Variants in NSMCE2 observed in about 807,000 individuals in gnomAD.
NSMCE2 encodes NSE2 SUMO ligase component of SMC5/6 complex.
In NSMCE2, 24 loss-of-function variants were observed where a neutral mutation model predicts 23.8. That is an observed-to-expected ratio of 1.01 (90% CI 0.73 to 1.42). The LOEUF (loss-of-function observed/expected upper bound fraction) is 1.42. Ranked by LOEUF, NSMCE2 falls within the 40% of genes most tolerant of loss-of-function variation. The pLI, the probability that NSMCE2 is intolerant of heterozygous loss-of-function variation, is 0.00. For missense variants in NSMCE2, 284 were observed against 296.5 expected (o/e 0.96, Z 0.31); for synonymous variants, 92 against 94.1 (o/e 0.98, Z 0.13).
intron 5 of NSMCE2, among the ~76,000 whole-genome samples, chr8:125,341,003 C>T (rs1289457074): frequency 1.3e-5 from 2 of 152,148 alleles, no homozygotes; most frequent in African/African-American, 4.8e-5. Flanking sequence ...TTACGTGTTC[C>T]CTCACTGGGC....
intron 3 of NSMCE2, among the ~76,000 whole-genome samples, chr8:125,118,734 A>G (rs539123430): frequency 2.0e-5 from 3 of 152,316 alleles, no homozygotes; most frequent in Non-Finnish European, 2.9e-5. Flanking sequence ...CTATACGACT[A>G]TTAAGGTTAA....
intron 1 of NSMCE2, among the ~76,000 whole-genome samples, chr8:125,097,474 A>T (rs1018770357): frequency 1.3e-4 from 20 of 152,104 alleles, no homozygotes; most frequent in African/African-American, 4.6e-4. Context: ...CTACCTTATG[A>T]TCTTTTTTCA....
At chr8:125,302,087 G>A (rs528087053) in intron 5 of NSMCE2, among the ~76,000 whole-genome samples, 1 of 152,250 alleles carries the variant, frequency 6.6e-6, no homozygotes, top group East Asian at 1.9e-4. Flanking sequence ...GCCTCCCAGA[G>A]CTGGGATTAC....
intron 4 of NSMCE2, among the ~76,000 whole-genome samples, chr8:125,153,202 A>G (rs2130690748): frequency 6.6e-6 from 1 of 152,140 alleles, no homozygotes; most frequent in East Asian, 1.9e-4. Flanking sequence ...GTTTCATCTC[A>G]TTATCCTCGA....
chr8:125,268,405 G>T lies in NSMCE2; in HGVS notation c.418+86149G>T, dbSNP rs954289649. On this transcript the variant is annotated intron_variant, in intron 5 of 7. Coordinates refer to ENST00000287437, the MANE Select transcript of NSMCE2 (RefSeq NM_173685.4). ...AAAAAAAAGAGAAAAGGATCCCAAG[G>T]TTTTATCATGGGCTGCCTAGAGAAT... Among the ~76,000 whole-genome samples, 3 of 151,750 alleles carry T rather than the reference G, an allele frequency of 2.0e-5. No individual in the cohort carries two copies. In the East Asian group the frequency reaches 5.8e-4, roughly 29 times the overall value.
intron 3 of NSMCE2, among the ~76,000 whole-genome samples, chr8:125,112,577 C>G (rs996717375): frequency 6.6e-6 from 1 of 152,100 alleles, no homozygotes; most frequent in Non-Finnish European, 1.5e-5. Context: ...AAATGAAATA[C>G]TGTCATTTGC....
At chr8:125,105,977 A>G (rs1818438089) in intron 3 of NSMCE2, among the ~76,000 whole-genome samples, 1 of 152,174 alleles carries the variant, frequency 6.6e-6, no homozygotes, top group South Asian at 2.1e-4. Flanking sequence ...TTAGACAGAC[A>G]CAGAGTCACC....
intron 5 of NSMCE2, among the ~76,000 whole-genome samples, chr8:125,238,885 A>T (rs1825658547): frequency 6.6e-6 from 1 of 152,170 alleles, no homozygotes; most frequent in Admixed American, 6.5e-5. Flanking sequence ...TTATTAGTAC[A>T]TATATCAAAT....
At chr8:125,247,573 A>G (rs1053939778) in intron 5 of NSMCE2, among the ~76,000 whole-genome samples, 2 of 152,020 alleles carry the variant, frequency 1.3e-5, no homozygotes, top group African/African-American at 4.8e-5. Flanking sequence ...GAAAATATAA[A>G]AATTAGCTGG....
At chr8:125,146,712 C>T (rs1820694182) in intron 3 of NSMCE2, among the ~76,000 whole-genome samples, 1 of 152,008 alleles carries the variant, frequency 6.6e-6, no homozygotes, top group Non-Finnish European at 1.5e-5. Flanking sequence ...CACATGGTCA[C>T]AGGAAGGGGA....
In NSMCE2 at chr8:125,170,467, C is replaced by T. The variant is rs552288566; in HGVS notation, c.265-11636C>T. 9.8e-5 allele frequency among the ~76,000 whole-genome samples: 13 copies of T among 132,324 alleles called. No homozygotes were observed. The South Asian group carries it at 1.6e-3, about 16-fold the overall frequency. The allele number at this position is 132,324 out of a possible 152,430, so 86.8% of individuals were successfully genotyped here. ...CTTGGGCAGGCTGGAGTGCAAATGGCGCTGTCTCGGCTCACTGCAAACTCC... is the reference window on the plus strand; with the variant it reads ...CTTGGGCAGGCTGGAGTGCAAATGGTGCTGTCTCGGCTCACTGCAAACTCC... On this transcript the variant is annotated intron_variant, in intron 4 of 7. Transcript: ENST00000287437.
chr8:125,344,545 C>T (rs1239344586), intron 5 of NSMCE2, among the ~76,000 whole-genome samples: 1 of 152,042 alleles, frequency 6.6e-6, no homozygotes, highest in Non-Finnish European at 1.5e-5. Flanking sequence ...GAGTTTGAGA[C>T]CAGCCTGGCC....
chr8:125,302,517 A>T (rs1413299362), intron 5 of NSMCE2, among the ~76,000 whole-genome samples: 2 of 152,136 alleles, frequency 1.3e-5, no homozygotes, highest in Non-Finnish European at 2.9e-5. Context: ...TTTTACTTAG[A>T]GGTTAATATG....
chr8:125,142,558 A>G (rs192919927), intron 3 of NSMCE2, among the ~76,000 whole-genome samples: 21 of 151,796 alleles, frequency 1.4e-4, no homozygotes, highest in African/African-American at 4.8e-4. Context: ...TGTACTGCTG[A>G]CACTCTTCAC....
chr8:125,120,601 C>T (rs1819219613), intron 3 of NSMCE2, among the ~76,000 whole-genome samples: 1 of 152,166 alleles, frequency 6.6e-6, no homozygotes, highest in Non-Finnish European at 1.5e-5. Context: ...GAGGTTAAGC[C>T]TGTTAACTTC....
At chr8:125,313,932 C>A (rs1243782048) in intron 5 of NSMCE2, among the ~76,000 whole-genome samples, 2 of 152,136 alleles carry the variant, frequency 1.3e-5, no homozygotes, top group Non-Finnish European at 2.9e-5. Flanking sequence ...CTCTATCTTC[C>A]AACCAAGACC....
At chr8:125,220,947 G>T (rs769590191) in intron 5 of NSMCE2, among the ~76,000 whole-genome samples, 3 of 152,102 alleles carry the variant, frequency 2.0e-5, no homozygotes, top group Non-Finnish European at 4.4e-5. Context: ...TCTCTAACTT[G>T]GGCCCTGTGT....
chr8:125,149,186 C>T (rs963541894), intron 3 of NSMCE2, among the ~76,000 whole-genome samples: 6 of 152,080 alleles, frequency 3.9e-5, no homozygotes, highest in Non-Finnish European at 7.4e-5. Flanking sequence ...TTACACCCTC[C>T]CCTGACCCCC....
At chr8:125,102,805 A>T (rs529269971) in intron 3 of NSMCE2, among the ~76,000 whole-genome samples, 1 of 152,292 alleles carries the variant, frequency 6.6e-6, no homozygotes, top group South Asian at 2.1e-4. Context: ...TAAATTTATT[A>T]TGATATTGTT....
Sources: allele counts gnomAD v4.1 joint callset (sites outside exome capture counted in the v4.1 genomes callset), GRCh38; gene constraint gnomAD v4.1.1; transcripts MANE v1.5; gene names NCBI Gene and HGNC (gene_info 2026-07-23, HGNC 2026-07-21).